Variants in TNPO1 observed in about 807,000 individuals in gnomAD.
TNPO1 encodes transportin-1.
Under a neutral mutation model 119.5 loss-of-function variants are expected in TNPO1, and 8 were observed. That is an observed-to-expected ratio of 0.07 (90% CI 0.04 to 0.12). The LOEUF (loss-of-function observed/expected upper bound fraction) is 0.12, where lower values mean the gene tolerates loss of function less well. Ranked by LOEUF, TNPO1 falls within the 10% of genes least tolerant of loss-of-function variation. The pLI is 1.00. For synonymous variants in TNPO1, 362 were observed against 363.0 expected (o/e 1.00, Z 0.03); for missense variants, 576 against 1,089.8 (o/e 0.53, Z 6.64).
intron 11 of TNPO1, among the ~76,000 whole-genome samples, chr5:72,884,109 G>T (rs1454286100): frequency 6.6e-6 from 1 of 152,110 alleles, no homozygotes. Flanking sequence ...GGGTCATATG[G>T]TAACTGTATG....
chr5:72,834,527 G>A (rs932217152), intron 1 of TNPO1, among the ~76,000 whole-genome samples: 3 of 152,084 alleles, frequency 2.0e-5, no homozygotes, highest in African/African-American at 7.2e-5. Context: ...AGTTTAAAAA[G>A]TAAAACAAAA....
At chr5:72,855,701 T>C (rs1350974038) in intron 3 of TNPO1, 73 bp from the exon 4 acceptor site, 24 of 1,290,678 alleles carry the variant, frequency 1.9e-5, no homozygotes, top group Admixed American at 5.0e-5. Context: ...AATATAAATG[T>C]TTTTAAAACT....
intron 1 of TNPO1, among the ~76,000 whole-genome samples, chr5:72,833,949 T>C (rs1345194987): frequency 6.6e-6 from 1 of 152,218 alleles, no homozygotes; most frequent in East Asian, 1.9e-4. Flanking sequence ...GGACCATCTC[T>C]ATAGAATTTT....
intron 9 of TNPO1, among the ~76,000 whole-genome samples, chr5:72,881,351 C>T (rs894757810): frequency 6.6e-6 from 1 of 152,018 alleles, no homozygotes; most frequent in Non-Finnish European, 1.5e-5. Context: ...CCTCGTGATC[C>T]GCTCGCCTCG....
rs1049540684 is a variant in TNPO1 at position 72,913,161 on chromosome 5, C to A, written c.*4488C>A. 6.6e-6 allele frequency: 1 copy of A among 152,368 alleles called. No homozygotes were observed. Among genetic ancestry groups the A allele is most frequent in the African/African-American group, 2.4e-5 (1 of 41,406 alleles). The allele number at this position is 152,368 out of a possible 1,614,324, so 9.4% of individuals were successfully genotyped here. A position where few individuals can be genotyped will look rare whatever the true frequency, so the allele number is the denominator to read the frequency against. On this transcript the variant is annotated 3_prime_UTR_variant, in exon 25 of 25. Transcript: ENST00000337273. ...CTGGTAATAATACCATGCAATATAG[C>A]GTTGTATACCAACTTAGTGCATTTT...
intron 4 of TNPO1, among the ~76,000 whole-genome samples, chr5:72,858,957 T>G (rs904461628): frequency 4.6e-5 from 7 of 152,042 alleles, no homozygotes; most frequent in South Asian, 2.1e-4. Flanking sequence ...GGGAAGGTTT[T>G]TTTTTTTTTT....
intron 9 of TNPO1, 140 bp from the exon 10 acceptor site, chr5:72,882,327 A>G: frequency 1.9e-6 from 1 of 530,050 alleles, no homozygotes; most frequent in South Asian, 3.8e-5. Flanking sequence ...ATGAGAGCAG[A>G]CATATATCAC....
At chr5:72,907,464 A>G (rs1579952024) in intron 24 of TNPO1, among the ~76,000 whole-genome samples, 1 of 152,286 alleles carries the variant, frequency 6.6e-6, no homozygotes, top group African/African-American at 2.4e-5. Context: ...GGGATTGCTT[A>G]TATTTCTACA....
chr5:72,820,533 T>C (rs1266019425), intron 1 of TNPO1, among the ~76,000 whole-genome samples: 1 of 152,182 alleles, frequency 6.6e-6, no homozygotes, highest in Non-Finnish European at 1.5e-5. Context: ...TGTACATTTT[T>C]CTCATTTATT....
intron 10 of TNPO1, among the ~76,000 whole-genome samples, chr5:72,882,741 C>T (rs192621793): frequency 6.6e-6 from 1 of 151,908 alleles, no homozygotes; most frequent in African/African-American, 2.4e-5. Flanking sequence ...TATTAATTTC[C>T]CCTTAATTAC....
intron 13 of TNPO1, 34 bp from the exon 14 acceptor site, chr5:72,889,752 T>G (rs1748915506): frequency 2.6e-6 from 4 of 1,551,764 alleles, no homozygotes; most frequent in Non-Finnish European, 3.5e-6. Context: ...TATCTTACAG[T>G]CAATAAGTAT....
At chr5:72,819,092 G>A (rs1743829755) in intron 1 of TNPO1, among the ~76,000 whole-genome samples, 1 of 152,138 alleles carries the variant, frequency 6.6e-6, no homozygotes, top group Non-Finnish European at 1.5e-5. Flanking sequence ...TTATTATTTA[G>A]CTCACGGTTC....
At chr5:72,829,508 A>G (rs908760487) in intron 1 of TNPO1, among the ~76,000 whole-genome samples, 6 of 152,270 alleles carry the variant, frequency 3.9e-5, no homozygotes, top group African/African-American at 1.4e-4. Context: ...ACCCAGAACT[A>G]CCGTTGAACA....
chr5:72,858,836 CAA>C (rs564909566), intron 4 of TNPO1, among the ~76,000 whole-genome samples: 1 of 122,238 alleles, frequency 8.2e-6, no homozygotes, highest in Non-Finnish European at 1.7e-5. Context: ...GACTCCGTCT[CAA>C]AAAAAAAAAA....
chr5:72,877,225 C>T lies in TNPO1; in HGVS notation c.802-3C>T, dbSNP rs377664444. ...ACTAATATTAAGGATATTGTGTTTC[C>T]AGTACATGCTACAGAGGACTCAAGA... On this transcript the variant is annotated splice_region_variant and splice_polypyrimidine_tract_variant and intron_variant, in intron 8 of 24. Coordinates refer to ENST00000337273, the MANE Select transcript of TNPO1 (RefSeq NM_002270.4). 10 of 1,554,952 alleles carry T rather than the reference C, an allele frequency of 6.4e-6. No individual in the cohort carries two copies. In the African/African-American group the frequency reaches 9.5e-5, roughly 15 times the overall value.
At chr5:72,837,276 T>G (rs1453860864) in intron 1 of TNPO1, among the ~76,000 whole-genome samples, 1 of 152,200 alleles carries the variant, frequency 6.6e-6, no homozygotes, top group Non-Finnish European at 1.5e-5. Context: ...ACCAGTGAAT[T>G]AGGTGTGCTA....
intron 2 of TNPO1, among the ~76,000 whole-genome samples, chr5:72,849,838 A>G (rs899364261): frequency 6.6e-6 from 1 of 152,188 alleles, no homozygotes; most frequent in Non-Finnish European, 1.5e-5. Context: ...TTGATAGTTG[A>G]TTAATTGCAG....
intron 1 of TNPO1, among the ~76,000 whole-genome samples, chr5:72,827,933 G>T (rs1045263812): frequency 6.7e-6 from 1 of 149,032 alleles, no homozygotes. Context: ...AAAAAAAAAA[G>T]AGTTTTCTTT....
chr5:72,842,151 C>G (rs1395088101), intron 1 of TNPO1, among the ~76,000 whole-genome samples: 1 of 152,108 alleles, frequency 6.6e-6, no homozygotes, highest in Non-Finnish European at 1.5e-5. Context: ...TCTATTATGA[C>G]TTTTATGATG....
Sources: allele counts gnomAD v4.1 joint callset (sites outside exome capture counted in the v4.1 genomes callset), GRCh38; gene constraint gnomAD v4.1.1; transcripts MANE v1.5; gene names NCBI Gene and HGNC (gene_info 2026-07-23, HGNC 2026-07-21).